SLC8A1: variants seen among roughly 807,000 people sequenced by gnomAD.
SLC8A1 encodes solute carrier family 8 member A1, also known as sodium/calcium exchanger 1.
A neutral mutation model predicts 68.3 loss-of-function variants in SLC8A1; 18 were observed. That is an observed-to-expected ratio of 0.26 (90% CI 0.18 to 0.39). SLC8A1 has a LOEUF of 0.39. SLC8A1 is among the 10% of genes least tolerant of loss of function. The probability of loss-of-function intolerance (pLI) is 1.00; values close to 1 mark genes in which losing one functional copy is unlikely to be tolerated. For missense variants in SLC8A1, 985 were observed against 1,156.7 expected, an observed-to-expected ratio of 0.85 and a Z score of 2.15; for synonymous variants, 475 against 415.5, an observed-to-expected ratio of 1.14 and a Z score of -1.74.
chr2:40,180,627 T>C (rs1047059390), intron 2 of SLC8A1, among the ~76,000 whole-genome samples: 2 of 152,226 alleles, frequency 1.3e-5, no homozygotes, highest in African/African-American at 4.8e-5. Context: ...GATGCTTCAT[T>C]GTAGGGTACA....
chr2:40,365,355 C>T (rs771052309), intron 2 of SLC8A1, among the ~76,000 whole-genome samples: 2 of 152,112 alleles, frequency 1.3e-5, no homozygotes, highest in African/African-American at 2.4e-5. Flanking sequence ...TATATCTTTA[C>T]ACATCCAAAC....
At chr2:40,506,944 A>C (rs1173204740) in intron 1 of SLC8A1, among the ~76,000 whole-genome samples, 1 of 151,786 alleles carries the variant, frequency 6.6e-6, no homozygotes, top group Non-Finnish European at 1.5e-5. Context: ...ACAAAAGTAC[A>C]ACTGAGCAAT....
chr2:40,439,726 G>A (rs994615022), intron 1 of SLC8A1, among the ~76,000 whole-genome samples: 1 of 152,090 alleles, frequency 6.6e-6, no homozygotes, highest in Non-Finnish European at 1.5e-5. Flanking sequence ...TCAACTTGAG[G>A]TTTTTAAGTC....
At chr2:40,423,532 C>A (rs895436744) in intron 2 of SLC8A1, among the ~76,000 whole-genome samples, 6 of 151,946 alleles carry the variant, frequency 3.9e-5, no homozygotes, top group Admixed American at 3.3e-4. Flanking sequence ...AAGCAATCAG[C>A]CTTCTATGTA....
At chr2:40,295,149 G>A (rs933800718) in intron 2 of SLC8A1, among the ~76,000 whole-genome samples, 9 of 151,972 alleles carry the variant, frequency 5.9e-5, no homozygotes, top group Middle Eastern at 3.4e-3. Context: ...ACTCAGGCTA[G>A]AGTGCAGTGG....
At chr2:40,339,217 C>G (rs1222463508) in intron 2 of SLC8A1, among the ~76,000 whole-genome samples, 1 of 152,206 alleles carries the variant, frequency 6.6e-6, no homozygotes, top group East Asian at 1.9e-4. Flanking sequence ...ATGTCATTAT[C>G]TGTAGCAACC....
intron 1 of SLC8A1, among the ~76,000 whole-genome samples, chr2:40,509,758 C>A (rs1706594430): frequency 6.6e-6 from 1 of 152,064 alleles, no homozygotes; most frequent in Non-Finnish European, 1.5e-5. Context: ...TCATACTTAA[C>A]CACCATGAAT....
chr2:40,113,318 A>T (rs1259769915), exon 8 of SLC8A1: 3 of 152,790 alleles, frequency 2.0e-5, no homozygotes, highest in African/African-American at 2.4e-5. Context: ...TTCCTTATAG[A>T]CACAGAAGTC....
At chr2:40,252,799 TATATATGTACATATAC>T (rs1381591875) in intron 2 of SLC8A1, among the ~76,000 whole-genome samples, 2 of 150,724 alleles carry the variant, frequency 1.3e-5, no homozygotes, top group Non-Finnish European at 2.9e-5. Context: ...TATGTGTGTG[TATATATGTACATATAC>T]ATATATATGT....
intron 1 of SLC8A1, among the ~76,000 whole-genome samples, chr2:40,478,259 T>C (rs1704412595): frequency 6.6e-6 from 1 of 152,048 alleles, no homozygotes; most frequent in South Asian, 2.1e-4. Flanking sequence ...ATTACCATTT[T>C]TCTGAAAAAC....
At chr2:40,483,534 A>G (rs2149915327) in intron 1 of SLC8A1, among the ~76,000 whole-genome samples, 1 of 152,316 alleles carries the variant, frequency 6.6e-6, no homozygotes, top group South Asian at 2.1e-4. Flanking sequence ...AAACAGAAGA[A>G]AAAACTAACA....
rs566328372 is a variant in SLC8A1 at position 40,236,350 on chromosome 2, T to G, written c.1809-58495A>C. Among the ~76,000 whole-genome samples, 8 of 152,316 alleles carry G rather than the reference T, an allele frequency of 5.3e-5. No homozygotes were observed. The East Asian group carries it at 1.5e-3, about 29-fold the overall frequency. The stretch of plus-strand genomic sequence containing the variant: ...TGTTGAATTGATCTCTTTACCATTA[T>G]GTAATGGCCTTCTTTGTCTCTTTTG... On this transcript the variant is annotated intron_variant, in intron 2 of 7. Coordinates refer to ENST00000406785, the Ensembl canonical transcript of SLC8A1.
chr2:40,197,057 G>A (rs1339581430), intron 2 of SLC8A1, among the ~76,000 whole-genome samples: 1 of 152,030 alleles, frequency 6.6e-6, no homozygotes, highest in African/African-American at 2.4e-5. Flanking sequence ...AAGTGCTCCT[G>A]TTCATATCCC....
rs1323272460 is a variant in SLC8A1, at chr2:40,160,752, G to A, written c.2161+13C>T. On this transcript the variant is annotated intron_variant, in intron 6 of 7. Coordinates refer to ENST00000406785, the Ensembl canonical transcript of SLC8A1. ...GCAATTTTAATTTATAATATGCAGA[G>A]AAAGGCACTCACCAGCACTGACAGT... The A allele has an allele frequency of 1.2e-6, 2 of 1,609,606 alleles. No individual in the cohort carries two copies. Among genetic ancestry groups the A allele is most frequent in the Non-Finnish European group, 1.7e-6 (2 of 1,176,218 alleles).
chr2:40,210,201 T>C (rs1015947610), intron 2 of SLC8A1, among the ~76,000 whole-genome samples: 3 of 152,180 alleles, frequency 2.0e-5, no homozygotes, highest in Admixed American at 6.5e-5. Context: ...AAATATCATG[T>C]AGCAAGAGGG....
At chr2:40,445,810 T>C (rs930497328) in intron 1 of SLC8A1, among the ~76,000 whole-genome samples, 1 of 152,124 alleles carries the variant, frequency 6.6e-6, no homozygotes, top group Non-Finnish European at 1.5e-5. Flanking sequence ...TCCCCCAACA[T>C]TTGAAAGATC....
intron 2 of SLC8A1, chr2:40,337,467 G>C (rs1666345432): frequency 4.5e-6 from 1 of 220,226 alleles, no homozygotes. Context: ...GGTAAAAAAA[G>C]GAAAAGCAAG....
At chr2:40,405,358 A>T (rs10490042) in intron 2 of SLC8A1, among the ~76,000 whole-genome samples, 10,276 of 152,280 alleles carry the variant, frequency 0.067, 764 homozygotes, top group East Asian at 0.37. Flanking sequence ...TTATGGATCA[A>T]ATCCAAGGAA....
intron 2 of SLC8A1, among the ~76,000 whole-genome samples, chr2:40,182,941 T>C (rs1015788344): frequency 6.6e-6 from 1 of 152,206 alleles, no homozygotes; most frequent in Non-Finnish European, 1.5e-5. Flanking sequence ...GACTCCTCCA[T>C]TTTAGATCCT....
Sources: gnomAD v4.1 joint callset for allele counts (sites outside exome capture counted in the v4.1 genomes callset) on GRCh38, gnomAD v4.1.1 for gene constraint, MANE v1.5 for transcripts, NCBI Gene and HGNC (gene_info 2026-07-23, HGNC 2026-07-21) for gene names.